SLCO3A1: variants seen among roughly 807,000 people sequenced by gnomAD.
SLCO3A1 encodes solute carrier organic anion transporter family member 3A1, also known as PGE1 transporter.
SLCO3A1 carries 27 observed loss-of-function variants against 63.1 expected under a neutral mutation model. The ratio of observed to expected loss-of-function variants is 0.43; its 90% CI spans 0.32 to 0.59. The LOEUF is 0.59. Ranked by LOEUF, SLCO3A1 falls within the 20% of genes least tolerant of loss-of-function variation. The pLI is 0.09. For synonymous variants in SLCO3A1, 473 were observed against 409.9 expected (o/e 1.15, Z -1.86); for missense variants, 773 against 945.8 (o/e 0.82, Z 2.40).
In SLCO3A1 at chr15:92,146,294, G is replaced by T. The variant is rs145744174; in HGVS notation, c.1513-690G>T. Among the ~76,000 whole-genome samples, 675 of 152,312 alleles carry T rather than the reference G, an allele frequency of 4.4e-3. 3 individuals carry two copies. The highest frequency in any genetic ancestry group is 0.016 in the African/African-American group (648 of 41,560). ...CAGCTGGGCTAGAATCCACCCCGAAGATCAAATGAAATGCAGTCACTTTTC... is the reference window on the plus strand; with the variant it reads ...CAGCTGGGCTAGAATCCACCCCGAATATCAAATGAAATGCAGTCACTTTTC... On this transcript the variant is annotated intron_variant, in intron 7 of 9. Transcript: ENST00000318445.
At chr15:91,935,359 G>A (rs771517579) in intron 2 of SLCO3A1, among the ~76,000 whole-genome samples, 5 of 152,200 alleles carry the variant, frequency 3.3e-5, no homozygotes, top group Non-Finnish European at 5.9e-5. Context: ...TAAATGTGGT[G>A]TAATTCTCCT....
chr15:91,857,718 A>C (rs1441178032), intron 1 of SLCO3A1, among the ~76,000 whole-genome samples: 1 of 152,166 alleles, frequency 6.6e-6, no homozygotes, highest in Admixed American at 6.5e-5. Context: ...GTAGCCCTGC[A>C]TATAGAGGTT....
chr15:92,059,384 C>T (rs763181174), intron 2 of SLCO3A1, among the ~76,000 whole-genome samples: 2 of 152,202 alleles, frequency 1.3e-5, no homozygotes, highest in African/African-American at 4.8e-5. Context: ...GCAACCGGGG[C>T]ACACACCACT....
chr15:92,024,001 T>G (rs574085877), intron 2 of SLCO3A1, among the ~76,000 whole-genome samples: 142 of 152,310 alleles, frequency 9.3e-4, no homozygotes, highest in African/African-American at 3.3e-3. Context: ...CCAGTGAATC[T>G]GTTGGGCCAT....
At chr15:92,068,505 A>T (rs1482769723) in intron 2 of SLCO3A1, among the ~76,000 whole-genome samples, 2 of 152,178 alleles carry the variant, frequency 1.3e-5, no homozygotes, top group African/African-American at 4.8e-5. Context: ...TCATATTGCA[A>T]ACCTGGTTCA....
At chr15:92,104,724 C>A (rs1418313731) in intron 4 of SLCO3A1, among the ~76,000 whole-genome samples, 182 bp downstream of exon 4, 1 of 152,070 alleles carries the variant, frequency 6.6e-6, no homozygotes, top group Non-Finnish European at 1.5e-5. Flanking sequence ...AGTAAATAAC[C>A]TGACTTGCTT....
At chr15:92,013,056 C>T (rs1292280401) in intron 2 of SLCO3A1, among the ~76,000 whole-genome samples, 2 of 152,216 alleles carry the variant, frequency 1.3e-5, no homozygotes, top group Admixed American at 1.3e-4. Context: ...GAGGCTTCAG[C>T]TTCCAGAGAG....
At chr15:92,065,943 G>A (rs185450575) in intron 2 of SLCO3A1, among the ~76,000 whole-genome samples, 3 of 152,318 alleles carry the variant, frequency 2.0e-5, no homozygotes, top group East Asian at 1.9e-4. Flanking sequence ...GTGAGGACAC[G>A]GCTCAGAGGC....
At chr15:91,951,975 C>G (rs1900016036) in intron 2 of SLCO3A1, among the ~76,000 whole-genome samples, 1 of 152,168 alleles carries the variant, frequency 6.6e-6, no homozygotes. Flanking sequence ...GCTAAACTGT[C>G]TTCCAAAGCG....
chr15:91,894,055 G>C lies in SLCO3A1; in HGVS notation c.181-21938G>C, dbSNP rs1053799295. 1.3e-5 allele frequency among the ~76,000 whole-genome samples: 2 copies of C among 152,170 alleles called. No homozygotes were observed. The highest frequency in any genetic ancestry group is 2.9e-5 in the Non-Finnish European group (2 of 68,030). On this transcript the variant is annotated intron_variant, in intron 1 of 9. Coordinates refer to ENST00000318445, the MANE Select transcript of SLCO3A1 (RefSeq NM_013272.4). The surrounding 1 kb of genome is among the most constrained non-coding windows in gnomAD (Gnocchi z 4.8). ...TCTCAGGAGGGGACGTTTGAGCTAA[G>C]ACCTGCCTGGGGAGAAATCAGCCTT...
chr15:91,963,419 G>GGGC (rs10686584), intron 2 of SLCO3A1, among the ~76,000 whole-genome samples: 41,379 of 115,536 alleles, frequency 0.36, 7,532 homozygotes, highest in East Asian at 0.43. Flanking sequence ...GGGGGGGGGG[G>GGGC]GCGGCAGCAG....
At chr15:92,036,828 A>G (rs2046733604) in intron 2 of SLCO3A1, among the ~76,000 whole-genome samples, 1 of 152,136 alleles carries the variant, frequency 6.6e-6, no homozygotes, top group Non-Finnish European at 1.5e-5. Context: ...TCAACAGACC[A>G]TTAGAATGTG....
chr15:91,923,003 C>T (rs1261048806), intron 2 of SLCO3A1, among the ~76,000 whole-genome samples: 1 of 152,158 alleles, frequency 6.6e-6, no homozygotes, highest in African/African-American at 2.4e-5. Context: ...CACCGCTGTG[C>T]CTGCTGCCTG....
intron 2 of SLCO3A1, among the ~76,000 whole-genome samples, chr15:92,039,865 AG>A (rs1240364585): frequency 0.015 from 2,285 of 152,188 alleles, 54 homozygotes; most frequent in African/African-American, 0.053. Flanking sequence ...ACATATACAC[AG>A]TGGAATACCA....
At chr15:92,013,250 C>G (rs1424055829) in intron 2 of SLCO3A1, among the ~76,000 whole-genome samples, 1 of 152,238 alleles carries the variant, frequency 6.6e-6, no homozygotes, top group Non-Finnish European at 1.5e-5. Flanking sequence ...CTCATCAGTT[C>G]TCTCGGCAGC....
rs1209091174 is a variant in SLCO3A1, at chr15:91,956,976, AG to A, written c.646+40519del. ...CTAATTTATTTATATATATATATATAGTATATATAATATATAGTATATATTA... is the reference window on the plus strand; with the variant it reads ...CTAATTTATTTATATATATATATATATATATATAATATATAGTATATATTA... On this transcript the variant is annotated intron_variant, in intron 2 of 9. Transcript: ENST00000318445. 9.8e-4 allele frequency among the ~76,000 whole-genome samples: 18 copies of A among 18,328 alleles called. 1 individual carries two copies. Among genetic ancestry groups the A allele is most frequent in the African/African-American group, 2.2e-3 (3 of 1,366 alleles). 12.0% of individuals were successfully genotyped at this position (18,328 alleles called of 152,430 possible).
Position 91,912,407 on chromosome 15 carries a change from C to T in SLCO3A1, c.181-3586C>T, listed in dbSNP as rs1227831393. Among the ~76,000 whole-genome samples, 1 of 152,196 alleles carries T rather than the reference C, an allele frequency of 6.6e-6. No individual in the cohort carries two copies. The highest frequency in any genetic ancestry group is 2.4e-5 in the African/African-American group (1 of 41,446). On this transcript the variant is annotated intron_variant, in intron 1 of 9. Transcript: ENST00000318445. This position sits in a 1 kb window ranked among gnomAD's most constrained non-coding sequence, Gnocchi z 5.0. The stretch of plus-strand genomic sequence containing the variant: ...ACAGGTCAAGGAGGGAAAGACCGTA[C>T]TACTTCCTGTCACCCCTGTGCGTTG...
chr15:92,157,853 G>T (rs961210960), intron 9 of SLCO3A1, among the ~76,000 whole-genome samples: 1 of 152,162 alleles, frequency 6.6e-6, no homozygotes, highest in African/African-American at 2.4e-5. Context: ...CAAAAGCTCT[G>T]CCTGAAGGTA....
At chr15:92,016,144 G>A (rs2046423341) in intron 2 of SLCO3A1, among the ~76,000 whole-genome samples, 1 of 151,856 alleles carries the variant, frequency 6.6e-6, no homozygotes, top group East Asian at 1.9e-4. Flanking sequence ...GCCCAAAGAT[G>A]TAAGGCTGGG....
Sources: allele counts gnomAD v4.1 joint callset (sites outside exome capture counted in the v4.1 genomes callset), GRCh38; gene constraint gnomAD v4.1.1; non-coding constraint Gnocchi (gnomAD v3.1); transcripts MANE v1.5; gene names NCBI Gene and HGNC (gene_info 2026-07-23, HGNC 2026-07-21).